The following GSDMC variants were observed in gnomAD, a reference collection of about 807,000 sequenced individuals.
The protein encoded by GSDMC is gasdermin C.
A neutral mutation model predicts 58.0 loss-of-function variants in GSDMC; 59 were observed. The ratio of observed to expected loss-of-function variants is 1.02; its 90% CI spans 0.82 to 1.26. GSDMC has a LOEUF of 1.26. Among genes scored for constraint, GSDMC ranks in the 50% most tolerant of loss-of-function variants. The pLI is 0.00. For missense variants in GSDMC, 659 were observed against 598.5 expected, an observed-to-expected ratio of 1.10 and a Z score of -1.06; for synonymous variants, 241 against 220.2, an observed-to-expected ratio of 1.09 and a Z score of -0.83.
At chr8:129,709,833 C>T in the GSDMC span, among the ~76,000 whole-genome samples, 2 of 152,234 alleles carry the variant, frequency 1.3e-5, no homozygotes, top group African/African-American at 2.4e-5. Flanking sequence ...TAAGGCTTCA[C>T]GTATGCTCTT....
chr8:129,732,162 C>A, the GSDMC span, among the ~76,000 whole-genome samples: 4 of 152,120 alleles, frequency 2.6e-5, no homozygotes, highest in Non-Finnish European at 5.9e-5. Flanking sequence ...CAGGGAGCAT[C>A]CTGCTAGCTT....
At chr8:129,764,381 C>T (rs2033784050) in intron 4 of GSDMC, among the ~76,000 whole-genome samples, 1 of 152,146 alleles carries the variant, frequency 6.6e-6, no homozygotes, top group Admixed American at 6.5e-5. Flanking sequence ...TCTTCAATCT[C>T]CCGCCTAGGC....
chr8:129,731,138 T>C, the GSDMC span, among the ~76,000 whole-genome samples: 1 of 152,158 alleles, frequency 6.6e-6, no homozygotes, highest in African/African-American at 2.4e-5. Context: ...TAAAAAAACT[T>C]TTAACTGATA....
At chr8:129,764,472 A>G (rs772743209) in intron 4 of GSDMC, among the ~76,000 whole-genome samples, 12 of 152,308 alleles carry the variant, frequency 7.9e-5, no homozygotes, top group Non-Finnish European at 1.2e-4. Context: ...CCCACTCTCA[A>G]TGAGGACTTG....
downstream of GSDMC, among the ~76,000 whole-genome samples, chr8:129,743,235 T>C (rs778379443): frequency 2.1e-4 from 32 of 152,214 alleles, no homozygotes; most frequent in Middle Eastern, 3.2e-3. Flanking sequence ...TCCAATTACA[T>C]GTGTTATATC....
intron 1 of GSDMC, among the ~76,000 whole-genome samples, chr8:129,780,374 G>A (rs936350839): frequency 2.6e-5 from 4 of 152,032 alleles, no homozygotes; most frequent in Non-Finnish European, 2.9e-5. Context: ...CAAGTATAAA[G>A]TAAGAATCCT....
At chr8:129,745,611 C>T (rs2032943794), downstream of GSDMC, among the ~76,000 whole-genome samples, 1 of 151,474 alleles carries the variant, frequency 6.6e-6, no homozygotes, top group South Asian at 2.1e-4. Flanking sequence ...CTCTTTTTTT[C>T]CACTGAAATA....
At chr8:129,759,592 G>A (rs897887027) in intron 6 of GSDMC, among the ~76,000 whole-genome samples, 1 of 152,170 alleles carries the variant, frequency 6.6e-6, no homozygotes, top group African/African-American at 2.4e-5. Context: ...CATACGAATA[G>A]CAAACAGACA....
At chr8:129,709,134 A>G in the GSDMC span, among the ~76,000 whole-genome samples, 2 of 149,850 alleles carry the variant, frequency 1.3e-5, no homozygotes, top group Non-Finnish European at 3.0e-5. Flanking sequence ...TACCCCATCC[A>G]TGGCACTTCT....
chr8:129,707,405 C>G, the GSDMC span, among the ~76,000 whole-genome samples: 2 of 152,028 alleles, frequency 1.3e-5, no homozygotes, highest in African/African-American at 4.8e-5. Context: ...TTCATGGTTT[C>G]TTTTTCAGTT....
the GSDMC span, among the ~76,000 whole-genome samples, chr8:129,740,224 T>C: frequency 2.0e-5 from 3 of 152,172 alleles, no homozygotes; most frequent in African/African-American, 7.2e-5. Flanking sequence ...CACAGTAAGC[T>C]AAGTTCATTG....
Position 129,753,173 on chromosome 8 carries a change from A to G in GSDMC, c.722-353T>C, listed in dbSNP as rs574311285. ...AGAGACACCAGCTGGGGTGACTAAA[A>G]AAAGGTGCTTGCGCTACCCCACCCC... On this transcript the variant is annotated intron_variant, in intron 6 of 13. Coordinates refer to ENST00000276708, the MANE Select transcript of GSDMC (RefSeq NM_031415.3). Among the ~76,000 whole-genome samples, 7 of 152,350 alleles carry G rather than the reference A, an allele frequency of 4.6e-5. No individual in the cohort carries two copies. In the East Asian group the frequency reaches 1.4e-3, roughly 29 times the overall value.
the GSDMC span, among the ~76,000 whole-genome samples, chr8:129,710,665 C>A: frequency 9.2e-5 from 14 of 152,186 alleles, no homozygotes; most frequent in African/African-American, 2.9e-4. Flanking sequence ...AGCAGGCATA[C>A]TGAGTCATGA....
At position 129,776,342 on chromosome 8, in the gene GSDMC, G is replaced by T; in HGVS notation, c.221-57C>A. 2 of 1,406,392 alleles carry T rather than the reference G, an allele frequency of 1.4e-6. 1 individual carries two copies. The highest frequency in any genetic ancestry group is 2.8e-5 in the South Asian group (2 of 71,398). The allele number at this position is 1,406,392 out of a possible 1,614,324, so 87.1% of individuals were successfully genotyped here. A position where few individuals can be genotyped will look rare whatever the true frequency, so the allele number is the denominator to read the frequency against. ...CCAAGAATTCATTCAAGAATTCAAA[G>T]GTTTAGCCAAGAACAGCTGGTGTGC... On this transcript the variant is annotated intron_variant, in intron 2 of 13. Transcript: ENST00000276708.
In GSDMC at chr8:129,783,301, T is replaced by C. The variant is rs139658592; in HGVS notation, c.-5+2710A>G. Among the ~76,000 whole-genome samples the C allele has an allele frequency of 3.8e-3, 577 of 152,182 alleles. 6 individuals carry two copies. The highest frequency in any genetic ancestry group is 0.013 in the African/African-American group (550 of 41,554). ...CCAAATTGGAAAGGAAGAAGTCAAA[T>C]TGTCCTTGTTTGTGGATGATGTGGT... On this transcript the variant is annotated intron_variant, in intron 1 of 13. Transcript: ENST00000276708.
the GSDMC span, among the ~76,000 whole-genome samples, chr8:129,732,059 C>A: frequency 2.6e-5 from 4 of 152,092 alleles, no homozygotes; most frequent in East Asian, 1.9e-4. Context: ...GTTGCCAATA[C>A]AATAGCATCA....
intron 6 of GSDMC, 146 bp from the exon 7 acceptor site, chr8:129,752,966 AT>A: frequency 1.5e-6 from 2 of 1,369,152 alleles, no homozygotes; most frequent in Middle Eastern, 2.6e-4. Flanking sequence ...TCAAAGAGGA[AT>A]TGCCCATTCC....
the GSDMC span, among the ~76,000 whole-genome samples, chr8:129,709,579 A>AGAT: frequency 1.8e-3 from 267 of 147,176 alleles, no homozygotes; most frequent in East Asian, 5.4e-3. Context: ...GATAGATGAT[A>AGAT]GATAGATAGA....
intron 3 of GSDMC, among the ~76,000 whole-genome samples, chr8:129,768,057 C>T (rs1296178811): frequency 1.3e-5 from 2 of 152,180 alleles, no homozygotes; most frequent in African/African-American, 4.8e-5. Flanking sequence ...CAGCCAACAG[C>T]TCATCCTGAT....
Sources: gnomAD v4.1 joint callset for allele counts (sites outside exome capture counted in the v4.1 genomes callset) on GRCh38, gnomAD v4.1.1 for gene constraint, MANE v1.5 for transcripts, NCBI Gene and HGNC (gene_info 2026-07-23, HGNC 2026-07-21) for gene names.